The following LDLRAD3 variants were observed in gnomAD, a reference collection of about 807,000 sequenced individuals.
The protein encoded by LDLRAD3 is low-density lipoprotein receptor class A domain-containing protein 3.
In LDLRAD3, 20 loss-of-function variants were observed where a neutral mutation model predicts 29.4. The ratio of observed to expected loss-of-function variants is 0.68; its 90% CI spans 0.48 to 0.99. The LOEUF is 0.99. Ranked by LOEUF, LDLRAD3 falls within the 50% of genes least tolerant of loss-of-function variation. The probability of loss-of-function intolerance (pLI) is 0.00; values close to 1 mark genes in which losing one functional copy is unlikely to be tolerated. For synonymous variants in LDLRAD3, 157 were observed against 192.7 expected (o/e 0.81, Z 1.53); for missense variants, 420 against 454.3 (o/e 0.92, Z 0.69).
chr11:36,038,722 A>AT (rs919782680), intron 2 of LDLRAD3, among the ~76,000 whole-genome samples: 4 of 151,924 alleles, frequency 2.6e-5, no homozygotes, highest in Non-Finnish European at 5.9e-5. Context: ...ATTCTCCATT[A>AT]TTTTTTTCCC....
intron 5 of LDLRAD3, among the ~76,000 whole-genome samples, chr11:36,227,664 G>A (rs969038110): frequency 1.3e-5 from 2 of 152,202 alleles, no homozygotes; most frequent in Non-Finnish European, 2.9e-5. Context: ...TCCAAAACTG[G>A]ATTATGGTGA....
intron 1 of LDLRAD3, among the ~76,000 whole-genome samples, chr11:35,973,052 C>CA (rs775477148): frequency 0.095 from 4,578 of 48,410 alleles, 470 homozygotes; most frequent in African/African-American, 0.21. Flanking sequence ...GACTCCATCT[C>CA]AAAAAAAAAA....
chr11:36,096,071 C>G (rs1853356047), intron 3 of LDLRAD3, among the ~76,000 whole-genome samples: 1 of 152,184 alleles, frequency 6.6e-6, no homozygotes, highest in Non-Finnish European at 1.5e-5. Context: ...TTAAAACTTC[C>G]ATTTTCAGGC....
At chr11:35,981,490 A>G (rs1312632765) in intron 1 of LDLRAD3, among the ~76,000 whole-genome samples, 5 of 152,194 alleles carry the variant, frequency 3.3e-5, no homozygotes, top group African/African-American at 1.2e-4. Context: ...AAGAACAGAA[A>G]AATAACTCAT....
At chr11:36,002,973 T>C (rs943204624) in intron 1 of LDLRAD3, among the ~76,000 whole-genome samples, 2 of 152,260 alleles carry the variant, frequency 1.3e-5, no homozygotes, top group Non-Finnish European at 2.9e-5. Context: ...GCATGTGTTA[T>C]TACGTTATCA....
chr11:35,965,794 T>A (rs1851333430), intron 1 of LDLRAD3, among the ~76,000 whole-genome samples: 2 of 152,140 alleles, frequency 1.3e-5, no homozygotes, highest in Admixed American at 6.5e-5. Context: ...TTATTCAATT[T>A]AAAAAATTCG....
At chr11:36,066,159 T>A (rs1852788764) in intron 2 of LDLRAD3, among the ~76,000 whole-genome samples, 2 of 151,140 alleles carry the variant, frequency 1.3e-5, no homozygotes, top group Non-Finnish European at 2.9e-5. Flanking sequence ...TCACTCATTT[T>A]CTTTTTTTTT....
intron 4 of LDLRAD3, among the ~76,000 whole-genome samples, chr11:36,164,070 G>A (rs1348317382): frequency 6.6e-6 from 1 of 152,142 alleles, no homozygotes; most frequent in Non-Finnish European, 1.5e-5. Context: ...TTTCTAGAAG[G>A]AGCCATTTTC....
At chr11:36,077,992 G>A (rs1323352535) in intron 2 of LDLRAD3, among the ~76,000 whole-genome samples, 1 of 152,184 alleles carries the variant, frequency 6.6e-6, no homozygotes, top group African/African-American at 2.4e-5. Flanking sequence ...TAATAGAACA[G>A]CTCAGAGGAG....
At chr11:36,097,484 A>G (rs1853377903) in intron 3 of LDLRAD3, among the ~76,000 whole-genome samples, 1 of 152,178 alleles carries the variant, frequency 6.6e-6, no homozygotes, top group Non-Finnish European at 1.5e-5. Flanking sequence ...CATGAGGTTC[A>G]GGTTTTGCCC....
chr11:36,054,823 AGGTGGATGGATGGATGAATG>A (rs1852584868), intron 2 of LDLRAD3, among the ~76,000 whole-genome samples: 1 of 99,914 alleles, frequency 1.0e-5, no homozygotes, highest in African/African-American at 4.4e-5. Context: ...GTGGATGGAT[AGGTGGATGGATGGATGAATG>A]GATGGATGGA....
chr11:35,986,670 G>C (rs113465876), intron 1 of LDLRAD3, among the ~76,000 whole-genome samples: 4,494 of 152,296 alleles, frequency 0.03, 110 homozygotes, highest in Middle Eastern at 0.071. Flanking sequence ...CAGGAGAAGA[G>C]ATTGCAGGAC....
chr11:36,197,893 AAAAAG>A (rs2133371674), intron 4 of LDLRAD3: 1 of 152,106 alleles, frequency 6.6e-6, no homozygotes, highest in East Asian at 1.9e-4. Context: ...AAAAAAAAAA[AAAAAG>A]AAATTAACTG....
At chr11:36,145,462 G>A (rs867757073) in intron 4 of LDLRAD3, among the ~76,000 whole-genome samples, 53 of 139,194 alleles carry the variant, frequency 3.8e-4, no homozygotes, top group African/African-American at 1.5e-3. Context: ...CTACTGGGAA[G>A]TGAGGAGCCT....
chr11:36,036,929 A>G (rs974729658), intron 2 of LDLRAD3, among the ~76,000 whole-genome samples: 1 of 152,098 alleles, frequency 6.6e-6, no homozygotes, highest in African/African-American at 2.4e-5. Context: ...TGGGTTGATG[A>G]TCATCTACGA....
chr11:36,081,923 T>C (rs1014778741), intron 3 of LDLRAD3, 145 bp downstream of exon 3: 21 of 989,432 alleles, frequency 2.1e-5, no homozygotes, highest in Non-Finnish European at 3.1e-5. Context: ...TCTTCCCTAC[T>C]TCTTGTGTAA....
At chr11:36,225,898 C>T (rs1855491794) in intron 4 of LDLRAD3, among the ~76,000 whole-genome samples, 1 of 151,654 alleles carries the variant, frequency 6.6e-6, no homozygotes, top group Non-Finnish European at 1.5e-5. Flanking sequence ...TGGTTGAAAC[C>T]CCATCTCTAA....
At chr11:35,960,532 G>A (rs1851263076) in intron 1 of LDLRAD3, among the ~76,000 whole-genome samples, 1 of 152,128 alleles carries the variant, frequency 6.6e-6, no homozygotes, top group African/African-American at 2.4e-5. Flanking sequence ...TCCAACATTT[G>A]GAATTTAGAG....
chr11:36,004,413 ATGTCT>A (rs943820577), intron 1 of LDLRAD3, among the ~76,000 whole-genome samples: 2 of 152,182 alleles, frequency 1.3e-5, no homozygotes, highest in African/African-American at 4.8e-5. Flanking sequence ...CTTTGACTCC[ATGTCT>A]CACATCCAGG....
Sources: gnomAD v4.1 joint callset for allele counts (sites outside exome capture counted in the v4.1 genomes callset) on GRCh38, gnomAD v4.1.1 for gene constraint, MANE v1.5 for transcripts, NCBI Gene and HGNC (gene_info 2026-07-23, HGNC 2026-07-21) for gene names.